The following SLC24A2 variants were observed in gnomAD, a reference collection of about 807,000 sequenced individuals.
SLC24A2 encodes sodium/potassium/calcium exchanger 2.
Under a neutral mutation model 62.0 loss-of-function variants are expected in SLC24A2, and 36 were observed. The observed-to-expected ratio is 0.58, with a 90% CI of 0.44 to 0.77. The LOEUF is 0.77. Among genes scored for constraint, SLC24A2 ranks in the 30% least tolerant of loss-of-function variants. The probability of loss-of-function intolerance (pLI) is 0.00; values close to 1 mark genes in which losing one functional copy is unlikely to be tolerated. For synonymous variants in SLC24A2, 358 were observed against 294.0 expected (o/e 1.22, Z -2.23); for missense variants, 846 against 817.9 (o/e 1.03, Z -0.42).
the SLC24A2 span, among the ~76,000 whole-genome samples, chr9:19,968,605 G>T: frequency 6.6e-6 from 1 of 152,196 alleles, no homozygotes; most frequent in Non-Finnish European, 1.5e-5. Flanking sequence ...GAGCTGGAAA[G>T]CCTTTCCCAT....
the SLC24A2 span, among the ~76,000 whole-genome samples, chr9:20,042,623 T>G: frequency 6.6e-6 from 1 of 152,206 alleles, no homozygotes; most frequent in Admixed American, 6.5e-5. Flanking sequence ...ATTCTCCTTT[T>G]CAGTAGCAGA....
chr9:19,649,134 G>A (rs1818729479), intron 2 of SLC24A2, among the ~76,000 whole-genome samples: 1 of 151,866 alleles, frequency 6.6e-6, no homozygotes, highest in Non-Finnish European at 1.5e-5. Context: ...AAACAAATCA[G>A]TGTCAGATAT....
chr9:19,646,327 G>T (rs1818637661), intron 2 of SLC24A2, among the ~76,000 whole-genome samples: 1 of 152,156 alleles, frequency 6.6e-6, no homozygotes, highest in African/African-American at 2.4e-5. Flanking sequence ...TTACCCAACA[G>T]ATCATTTCCG....
At chr9:20,202,549 G>A in the SLC24A2 span, among the ~76,000 whole-genome samples, 2 of 152,128 alleles carry the variant, frequency 1.3e-5, no homozygotes, top group African/African-American at 4.8e-5. Context: ...GGGTTTCAGG[G>A]AGTGGAGAGA....
chr9:20,089,854 T>A, the SLC24A2 span, among the ~76,000 whole-genome samples: 2 of 152,088 alleles, frequency 1.3e-5, no homozygotes, highest in Non-Finnish European at 2.9e-5. Context: ...CTCCTCCTAG[T>A]GAGCCCTTGA....
the SLC24A2 span, among the ~76,000 whole-genome samples, chr9:20,275,208 G>A: frequency 2.1e-4 from 32 of 152,216 alleles, no homozygotes; most frequent in South Asian, 1.9e-3. Context: ...TAGGGGTTAC[G>A]GCAAACAAGT....
chr9:19,799,791 T>C, the SLC24A2 span, among the ~76,000 whole-genome samples: 1 of 152,174 alleles, frequency 6.6e-6, no homozygotes, highest in African/African-American at 2.4e-5. Flanking sequence ...CTTAATACGC[T>C]CCCCTCTCTC....
At chr9:19,805,688 G>A in the SLC24A2 span, among the ~76,000 whole-genome samples, 3 of 151,744 alleles carry the variant, frequency 2.0e-5, no homozygotes, top group Admixed American at 1.3e-4. Flanking sequence ...ATAAAAATTA[G>A]GTTACCCTGA....
At chr9:20,019,155 A>AAGAAAGAAAGAG in the SLC24A2 span, among the ~76,000 whole-genome samples, 109 of 117,178 alleles carry the variant, frequency 9.3e-4, 3 homozygotes, top group South Asian at 1.4e-3. Context: ...GAAAGAAAGA[A>AAGAAAGAAAGAG]AGAGAGAGAG....
At chr9:20,227,726 T>A in the SLC24A2 span, among the ~76,000 whole-genome samples, 1 of 152,140 alleles carries the variant, frequency 6.6e-6, no homozygotes, top group African/African-American at 2.4e-5. Context: ...CCACCTGAGC[T>A]CAGGCTTAAA....
chr9:20,060,799 C>T, the SLC24A2 span, among the ~76,000 whole-genome samples: 1 of 152,118 alleles, frequency 6.6e-6, no homozygotes, highest in African/African-American at 2.4e-5. Context: ...TTAGGGAACA[C>T]ACACACACAA....
At chr9:19,573,193 G>C (rs1246246970) in intron 7 of SLC24A2, among the ~76,000 whole-genome samples, 158 bp downstream of exon 7, 1 of 152,076 alleles carries the variant, frequency 6.6e-6, no homozygotes, top group African/African-American at 2.4e-5. Context: ...GGGACCCTGG[G>C]GTGGCACTGG....
chr9:19,580,155 G>A (rs924946567), intron 5 of SLC24A2, among the ~76,000 whole-genome samples: 6 of 152,222 alleles, frequency 3.9e-5, no homozygotes, highest in African/African-American at 1.4e-4. Flanking sequence ...GGCTGCTTGG[G>A]AGCTGTCTTC....
At chr9:19,741,261 A>G (rs1461709219) in intron 2 of SLC24A2, among the ~76,000 whole-genome samples, 1 of 152,146 alleles carries the variant, frequency 6.6e-6, no homozygotes, top group African/African-American at 2.4e-5. Context: ...CTGATTTGCC[A>G]GTTGGCTTTC....
chr9:20,206,674 G>C, the SLC24A2 span, among the ~76,000 whole-genome samples: 2,591 of 152,002 alleles, frequency 0.017, 88 homozygotes, highest in African/African-American at 0.059. Flanking sequence ...TAGAGACGGG[G>C]TTTCACCATG....
chr9:20,076,838 T>C, the SLC24A2 span, among the ~76,000 whole-genome samples: 1 of 73,064 alleles, frequency 1.4e-5, no homozygotes, highest in Non-Finnish European at 2.6e-5. Flanking sequence ...TAAGAAAATG[T>C]GATATATATA....
chr9:19,876,207 T>A, the SLC24A2 span, among the ~76,000 whole-genome samples: 3 of 152,200 alleles, frequency 2.0e-5, no homozygotes, highest in Non-Finnish European at 4.4e-5. Context: ...TGTGGTTCAG[T>A]GGCCACAAGG....
At chr9:19,890,031 T>C in the SLC24A2 span, among the ~76,000 whole-genome samples, 2 of 152,044 alleles carry the variant, frequency 1.3e-5, no homozygotes, top group African/African-American at 4.8e-5. Flanking sequence ...CTTACCTTCT[T>C]ACTTAGTTTA....
At position 19,654,683 on chromosome 9, in the gene SLC24A2, T is replaced by C. The variant is rs377539669; in HGVS notation, c.931-32384A>G. 7.9e-5 allele frequency among the ~76,000 whole-genome samples: 12 copies of C among 152,304 alleles called. 1 individual carries two copies. The East Asian group carries it at 1.5e-3, about 20-fold the overall frequency. ...ACCTCCTTGAGAGTAGCTGTCCTTT[T>C]TTTTCATTTACCTATGTATACCCTT... On this transcript the variant is annotated intron_variant, in intron 2 of 10. Coordinates refer to ENST00000341998, the MANE Select transcript of SLC24A2 (RefSeq NM_020344.4).
Sources: gnomAD v4.1 joint callset for allele counts (sites outside exome capture counted in the v4.1 genomes callset) on GRCh38, gnomAD v4.1.1 for gene constraint, MANE v1.5 for transcripts, NCBI Gene and HGNC (gene_info 2026-07-23, HGNC 2026-07-21) for gene names.